Variants in BOD1L1 observed in about 807,000 individuals in gnomAD.
The protein encoded by BOD1L1 is biorientation of chromosomes in cell division 1 like 1.
Under a neutral mutation model 240.7 loss-of-function variants are expected in BOD1L1, and 86 were observed. The observed-to-expected ratio is 0.36, with a 90% CI of 0.30 to 0.43. The LOEUF (loss-of-function observed/expected upper bound fraction) is 0.43. Among genes scored for constraint, BOD1L1 ranks in the 20% least tolerant of loss-of-function variants. The pLI, the probability that BOD1L1 is intolerant of heterozygous loss-of-function variation, is 1.00. For missense variants in BOD1L1, 3,554 were observed against 3,643.5 expected, an observed-to-expected ratio of 0.98 and a Z score of 0.63; for synonymous variants, 1,268 against 1,272.3, an observed-to-expected ratio of 1.00 and a Z score of 0.07.
At chr4:13,596,860 T>C (rs543278483) in intron 11 of BOD1L1, among the ~76,000 whole-genome samples, 2 of 152,302 alleles carry the variant, frequency 1.3e-5, no homozygotes, top group South Asian at 4.1e-4. Context: ...AAATGTGGGA[T>C]GACGGAGAAA....
intron 17 of BOD1L1, among the ~76,000 whole-genome samples, chr4:13,583,249 A>C (rs1371190120): frequency 6.6e-6 from 1 of 152,220 alleles, no homozygotes; most frequent in Non-Finnish European, 1.5e-5. Flanking sequence ...AAATGCCAAA[A>C]TGTTTCAACT....
At chr4:13,583,384 ATTAATG>A (rs1394216936) in intron 17 of BOD1L1, among the ~76,000 whole-genome samples, 1 of 152,236 alleles carries the variant, frequency 6.6e-6, no homozygotes, top group Non-Finnish European at 1.5e-5. Flanking sequence ...CCTCATTTCT[ATTAATG>A]TTAATTTTAC....
chr4:13,570,384 T>TCAC (rs1188857730), intron 25 of BOD1L1, among the ~76,000 whole-genome samples: 2 of 152,186 alleles, frequency 1.3e-5, no homozygotes, highest in African/African-American at 4.8e-5. Flanking sequence ...TCTACCACAC[T>TCAC]CTAGGTGCTG....
chr4:13,576,789 A>G, intron 25 of BOD1L1, 49 bp downstream of exon 25: 1 of 1,566,240 alleles, frequency 6.4e-7, no homozygotes. Flanking sequence ...CAATTTTCAG[A>G]TGGAGAAGCT....
chr4:13,590,560 G>A (rs1317545984), intron 13 of BOD1L1, 114 bp from the exon 14 acceptor site: 1 of 496,732 alleles, frequency 2.0e-6, no homozygotes, highest in African/African-American at 2.0e-5. Context: ...AATGCCAAAA[G>A]GAATTGGGGT....
intron 17 of BOD1L1, among the ~76,000 whole-genome samples, chr4:13,584,897 CTAATAT>C (rs986786727): frequency 2.0e-5 from 3 of 152,108 alleles, no homozygotes; most frequent in African/African-American, 7.3e-5. Context: ...CCAAAAATTA[CTAATAT>C]TAAGATGATA....
At position 13,600,313 on chromosome 4, in the gene BOD1L1, C is replaced by G. The variant is rs778867915; in HGVS notation, c.6587G>C (p.Ser2196Thr). The change falls in exon 10 of 26, where the codon AGT becomes ACT. Residue 2196 changes from serine (S) to threonine (T), a missense_variant. Transcript: ENST00000040738. ...AGGACTTTCAGCTTCTGGGGGCGCA[C>G]TGGGCATAGGCCCCTCAAAGTCGGC... is the stretch of plus-strand genomic sequence containing the variant. ...STADFEGPMP[S>T]APPEAESPLA... 1.9e-6 allele frequency: 3 copies of G among 1,613,954 alleles called. No homozygotes were observed. Among genetic ancestry groups the G allele is most frequent in the Non-Finnish European group, 8.5e-7 (1 of 1,179,904 alleles).
chr4:13,590,701 A>C (rs978903776), intron 13 of BOD1L1, among the ~76,000 whole-genome samples: 2 of 152,232 alleles, frequency 1.3e-5, no homozygotes, highest in African/African-American at 4.8e-5. Flanking sequence ...AAGAGTAAGA[A>C]TAAATAAGAG....
At chr4:13,597,037 A>G in intron 11 of BOD1L1, 67 bp downstream of exon 11, 1 of 1,199,912 alleles carries the variant, frequency 8.3e-7, no homozygotes, top group Non-Finnish European at 1.2e-6. Context: ...AAGTATATAT[A>G]TGTGTATATG....
In BOD1L1 at chr4:13,614,191, T is replaced by G; in HGVS notation, c.1174+5A>C. ...CTTTGTAGATGTTTGCAAGTTTTTA[T>G]ATACCTTCTTTTGTCCCTTCAACAG... On this transcript the variant is annotated splice_donor_5th_base_variant and intron_variant, in intron 4 of 25. Transcript: ENST00000040738. 5 of 1,485,598 alleles carry G rather than the reference T, an allele frequency of 3.4e-6. No homozygotes were observed. The highest frequency in any genetic ancestry group is 4.5e-6 in the Non-Finnish European group (5 of 1,122,326). The allele number at this position is 1,485,598 out of a possible 1,614,324, so 92.0% of individuals were successfully genotyped here.
At chr4:13,587,849 A>G in intron 15 of BOD1L1, 78 bp from the exon 16 acceptor site, 1 of 966,832 alleles carries the variant, frequency 1.0e-6, no homozygotes, top group Non-Finnish European at 1.6e-6. Flanking sequence ...ACTGTACTAG[A>G]TTCTAACCTT....
At position 13,608,634 on chromosome 4, in the gene BOD1L1, T is replaced by C. The variant is rs1332042945; in HGVS notation, c.1638A>G (p.Thr546=). ...RSSVDLEESS[T]KSLEPKAARI... ...TGGCGGCTTTAGGTTCCAAACTCTT[T>C]GTTGATGATTCTTCTAAGTCCACAC... is the stretch of plus-strand genomic sequence containing the variant. Residue 546 remains threonine, a synonymous_variant, in exon 8 of 26, where the codon ACA becomes ACG. Coordinates refer to ENST00000040738, the MANE Select transcript of BOD1L1 (RefSeq NM_148894.3). The C allele has an allele frequency of 3.2e-6, 5 of 1,553,314 alleles. No homozygotes were observed. The South Asian group carries it at 6.2e-5, about 19-fold the overall frequency.
Position 13,601,705 on chromosome 4 carries a change from G to C in BOD1L1, c.5195C>G (p.Ala1732Gly), listed in dbSNP as rs1336841497. The change falls in exon 10 of 26, where the codon GCA becomes GGA. Residue 1732 changes from alanine to glycine, a missense_variant. Ala to Gly is a moderately conservative substitution (Grantham distance 60). Coordinates refer to ENST00000040738, the MANE Select transcript of BOD1L1 (RefSeq NM_148894.3). ...CACAAAGTTATCACTTCTGCCTTCT[G>C]CTCCTGTACATGTCACAGTGCCCTC... Reference protein sequence around the residue: ...ETEGTVTCTGAEGRSDNFVIC... With the variant: ...ETEGTVTCTGGEGRSDNFVIC... 6.2e-7 allele frequency: 1 copy of C among 1,613,804 alleles called. No individual in the cohort carries two copies. Among genetic ancestry groups the C allele is most frequent in the Non-Finnish European group, 8.5e-7 (1 of 1,179,888 alleles).
chr4:13,625,499 G>T (rs1448466121), intron 1 of BOD1L1: 1 of 152,100 alleles, frequency 6.6e-6, no homozygotes, highest in Non-Finnish European at 1.5e-5. Context: ...CATTTTGTGG[G>T]AATAGGATAA....
chr4:13,573,860 T>C (rs1712462968), intron 25 of BOD1L1, among the ~76,000 whole-genome samples: 1 of 152,114 alleles, frequency 6.6e-6, no homozygotes, highest in African/African-American at 2.4e-5. Context: ...AATTTTTTCT[T>C]TTAAGAGGGT....
At chr4:13,627,294 C>A in intron 1 of BOD1L1, 51 bp downstream of exon 1, 1 of 1,112,866 alleles carries the variant, frequency 9.0e-7, no homozygotes, top group East Asian at 3.7e-5. Context: ...GAAGCGCGCC[C>A]TTGGGTCCTC....
chr4:13,610,833 T>C, intron 6 of BOD1L1, 101 bp downstream of exon 6: 6 of 985,700 alleles, frequency 6.1e-6, no homozygotes, highest in Non-Finnish European at 7.2e-6. Flanking sequence ...GCAAATCCTG[T>C]ATGTCTCTGC....
At chr4:13,580,600 T>C (rs1577315568) in intron 21 of BOD1L1, among the ~76,000 whole-genome samples, 1 of 152,152 alleles carries the variant, frequency 6.6e-6, no homozygotes, top group Admixed American at 6.6e-5. Context: ...CGTTCAAACA[T>C]AAAATATCAC....
intron 1 of BOD1L1, chr4:13,623,299 G>C (rs1397726082): frequency 6.6e-6 from 1 of 152,038 alleles, no homozygotes; most frequent in East Asian, 1.9e-4. Context: ...AATGTTTGTT[G>C]GGTGAATAAA....
Sources: gnomAD v4.1 joint callset for allele counts (sites outside exome capture counted in the v4.1 genomes callset) on GRCh38, gnomAD v4.1.1 for gene constraint, MANE v1.5 for transcripts, NCBI Gene and HGNC (gene_info 2026-07-23, HGNC 2026-07-21) for gene names.